The following IMMP2L variants were observed in gnomAD, a reference collection of about 807,000 sequenced individuals.
The protein encoded by IMMP2L is mitochondrial inner membrane protease subunit 2.
IMMP2L carries 18 observed loss-of-function variants against 19.3 expected under a neutral mutation model. That is an observed-to-expected ratio of 0.93 (90% CI 0.64 to 1.38). IMMP2L has a LOEUF of 1.38. IMMP2L is among the 40% of genes most tolerant of loss of function. The pLI is 0.00. For missense variants in IMMP2L, 233 were observed against 218.2 expected (o/e 1.07, Z -0.43); for synonymous variants, 76 against 73.0 (o/e 1.04, Z -0.21).
At chr7:110,790,371 A>T (rs1211009650) in intron 5 of IMMP2L, among the ~76,000 whole-genome samples, 3 of 151,750 alleles carry the variant, frequency 2.0e-5, no homozygotes, top group Non-Finnish European at 2.9e-5. Flanking sequence ...TCTGAGTGGC[A>T]TTTTTAAAAG....
intron 4 of IMMP2L, among the ~76,000 whole-genome samples, chr7:110,943,590 A>G (rs1816945572): frequency 6.6e-6 from 1 of 151,926 alleles, no homozygotes; most frequent in Non-Finnish European, 1.5e-5. Context: ...CCCTGAGACT[A>G]TTAATACCTT....
chr7:111,410,569 C>A (rs1301559868), intron 3 of IMMP2L, among the ~76,000 whole-genome samples: 1 of 149,078 alleles, frequency 6.7e-6, no homozygotes, highest in Admixed American at 6.7e-5. Context: ...ATGTTGCCCA[C>A]AACTAGGAGA....
chr7:111,403,159 G>A (rs1319253637), intron 3 of IMMP2L, among the ~76,000 whole-genome samples: 2 of 151,934 alleles, frequency 1.3e-5, no homozygotes, highest in Admixed American at 6.6e-5. Context: ...GGGACCTGGT[G>A]GGAGGTGACT....
At chr7:110,759,803 AAG>A (rs1431437399) in intron 5 of IMMP2L, among the ~76,000 whole-genome samples, 2 of 152,134 alleles carry the variant, frequency 1.3e-5, no homozygotes, top group East Asian at 1.9e-4. Flanking sequence ...AATTTCAAAT[AAG>A]AGAGGATACA....
At chr7:110,681,413 T>A (rs1792709229) in intron 5 of IMMP2L, among the ~76,000 whole-genome samples, 1 of 152,062 alleles carries the variant, frequency 6.6e-6, no homozygotes, top group African/African-American at 2.4e-5. Context: ...AAAACAAACA[T>A]TGCACATGAA....
intron 1 of IMMP2L, among the ~76,000 whole-genome samples, chr7:111,541,146 T>C (rs773995300): frequency 6.6e-6 from 1 of 152,172 alleles, no homozygotes; most frequent in Non-Finnish European, 1.5e-5. Flanking sequence ...ACTTCAGGCC[T>C]TTACCTTCCA....
chr7:110,946,390 G>A (rs1817252704), intron 4 of IMMP2L, among the ~76,000 whole-genome samples: 1 of 151,900 alleles, frequency 6.6e-6, no homozygotes, highest in African/African-American at 2.4e-5. Flanking sequence ...AAAATATTGA[G>A]ACAAATATAT....
chr7:110,894,639 T>C (rs1172888091), intron 4 of IMMP2L, among the ~76,000 whole-genome samples: 1 of 152,198 alleles, frequency 6.6e-6, no homozygotes, highest in African/African-American at 2.4e-5. Flanking sequence ...TTTGTAAATA[T>C]TTTCTCCTAA....
intron 3 of IMMP2L, among the ~76,000 whole-genome samples, chr7:111,192,504 T>TA (rs1283059094): frequency 1.3e-5 from 2 of 152,152 alleles, no homozygotes; most frequent in Non-Finnish European, 2.9e-5. Context: ...CAACAAAACT[T>TA]AGTGTGTAAA....
intron 3 of IMMP2L, among the ~76,000 whole-genome samples, chr7:111,319,671 A>G (rs1437501092): frequency 6.6e-6 from 1 of 152,104 alleles, no homozygotes; most frequent in Non-Finnish European, 1.5e-5. Context: ...GCTATATTCT[A>G]TAGCGATAAG....
At chr7:110,683,517 C>T (rs1792885568) in intron 5 of IMMP2L, among the ~76,000 whole-genome samples, 1 of 152,048 alleles carries the variant, frequency 6.6e-6, no homozygotes, top group Admixed American at 6.6e-5. Context: ...TATCTGTTCA[C>T]TTTTTATCAG....
At chr7:110,771,670 C>A (rs573390828) in intron 5 of IMMP2L, among the ~76,000 whole-genome samples, 1 of 152,126 alleles carries the variant, frequency 6.6e-6, no homozygotes, top group Non-Finnish European at 1.5e-5. Flanking sequence ...ACTAAACATA[C>A]GAGGGTAGAG....
chr7:110,933,622 G>T (rs187479088), intron 4 of IMMP2L, among the ~76,000 whole-genome samples: 1 of 152,266 alleles, frequency 6.6e-6, no homozygotes, highest in Admixed American at 6.5e-5. Flanking sequence ...TTGATGCTCA[G>T]CCTATTCCAG....
chr7:110,876,844 C>T (rs1385477665), intron 5 of IMMP2L, among the ~76,000 whole-genome samples: 3 of 152,086 alleles, frequency 2.0e-5, no homozygotes, highest in Admixed American at 6.6e-5. Flanking sequence ...TTATTACTCT[C>T]CTGTTCCAAA....
intron 4 of IMMP2L, among the ~76,000 whole-genome samples, chr7:110,890,257 A>G (rs574172472): frequency 6.6e-6 from 1 of 152,274 alleles, no homozygotes; most frequent in South Asian, 2.1e-4. Context: ...TCAAATATGC[A>G]GAGAGTAGTA....
chr7:111,190,663 T>C (rs563762600), intron 3 of IMMP2L, among the ~76,000 whole-genome samples: 84 of 152,174 alleles, frequency 5.5e-4, no homozygotes, highest in African/African-American at 2.0e-3. Context: ...CAGGTGACAG[T>C]CTCTGGAGCC....
intron 5 of IMMP2L, among the ~76,000 whole-genome samples, chr7:110,822,628 T>A (rs1328512049): frequency 1.3e-5 from 2 of 152,106 alleles, no homozygotes; most frequent in Admixed American, 1.3e-4. Context: ...AATAAATAAA[T>A]CTCATTTGAA....
At chr7:110,913,577 T>C (rs757904402) in intron 4 of IMMP2L, among the ~76,000 whole-genome samples, 2 of 152,114 alleles carry the variant, frequency 1.3e-5, no homozygotes, top group African/African-American at 2.4e-5. Context: ...TTCAAAAAGT[T>C]CATGGAAAAT....
At chr7:110,693,315 A>G (rs1449409734) in intron 5 of IMMP2L, among the ~76,000 whole-genome samples, 4 of 152,200 alleles carry the variant, frequency 2.6e-5, no homozygotes, top group African/African-American at 9.6e-5. Context: ...CTGAGACACT[A>G]TCATCTTATA....
Sources: allele counts gnomAD v4.1 joint callset (sites outside exome capture counted in the v4.1 genomes callset), GRCh38; gene constraint gnomAD v4.1.1; transcripts MANE v1.5; gene names NCBI Gene and HGNC (gene_info 2026-07-23, HGNC 2026-07-21).